Variants in SMIM7 observed in about 807,000 individuals in gnomAD.
SMIM7 encodes the protein UPF0608 protein C19orf42.
A neutral mutation model predicts 13.3 loss-of-function variants in SMIM7; 12 were observed. That is an observed-to-expected ratio of 0.90 (90% CI 0.58 to 1.46). SMIM7 has a LOEUF of 1.46. SMIM7 is among the 40% of genes most tolerant of loss of function. The pLI is 0.00. For missense variants in SMIM7, 114 were observed against 94.8 expected (o/e 1.20, Z -0.84); for synonymous variants, 36 against 35.8 (o/e 1.01, Z -0.02).
chr19:16,640,748 C>T (rs558543405), downstream of SMIM7: 2 of 152,304 alleles, frequency 1.3e-5, no homozygotes, highest in East Asian at 3.9e-4. Flanking sequence ...GCCTGGCCAA[C>T]ATGGAGAAAC....
intron 3 of SMIM7, among the ~76,000 whole-genome samples, chr19:16,654,678 G>A (rs1374396087): frequency 6.6e-6 from 1 of 151,516 alleles, no homozygotes; most frequent in Admixed American, 6.6e-5. Context: ...CTCCATACCC[G>A]GCTGGTTTTT....
chr19:16,659,282 CAAAAAA>C (rs752864646), intron 3 of SMIM7, 107 bp downstream of exon 3: 1,336 of 547,590 alleles, frequency 2.4e-3, no homozygotes, highest in Non-Finnish European at 2.7e-3. Flanking sequence ...GACCTTGTGT[CAAAAAA>C]AAAAAAAAAA....
Position 16,638,301 on chromosome 19 carries a change from C to CTT in SMIM7, c.*138-6579_*138-6578dup, listed in dbSNP as rs375558591. On this transcript the variant is annotated intron_variant and NMD_transcript_variant, in intron 4 of 4. Coordinates refer to the SMIM7 transcript ENST00000465250. ...GGCAATTAAACCTCTTTTCTTTTTT[C>CTT]TTTTTTTTTTTTTTTTTTTGAGACA... 3.6e-3 allele frequency among the ~76,000 whole-genome samples: 437 copies of CTT among 122,752 alleles called. 4 individuals carry two copies. The highest frequency in any genetic ancestry group is 4.5e-3 in the Non-Finnish European group (268 of 58,904). The allele number at this position is 122,752 out of a possible 152,430, so 80.5% of individuals were successfully genotyped here. A position where few individuals can be genotyped will look rare whatever the true frequency, so the allele number is the denominator to read the frequency against.
rs145266702 is a variant in SMIM7 at position 16,650,448 on chromosome 19, G to A, written c.213-3187C>T. On this transcript the variant is annotated intron_variant, in intron 4 of 4. Transcript: ENST00000487416. ...AGGGAGATTGGGCACGGTGGCTCAC[G>A]CCTATAATCCCAGCACTTTGGGAGG... Among the ~76,000 whole-genome samples, 1,012 of 152,298 alleles carry A rather than the reference G, an allele frequency of 6.6e-3. 14 individuals are homozygous for A. The highest frequency in any genetic ancestry group is 0.023 in the African/African-American group (970 of 41,558).
At chr19:16,635,344 CAG>C (rs908188873) in intron 4 of SMIM7, 1 of 139,446 alleles carries the variant, frequency 7.2e-6, no homozygotes, top group East Asian at 2.1e-4. Context: ...GCCTGGGTGA[CAG>C]AGTGAGACAC....
chr19:16,659,912 C>T (rs2086652716), intron 2 of SMIM7, 47 bp downstream of exon 2: 3 of 1,578,828 alleles, frequency 1.9e-6, no homozygotes, highest in Non-Finnish European at 2.6e-6. Context: ...GAGGGCGGGG[C>T]TACGGGTTCC....
rs1397623060 is a variant in SMIM7 at position 16,655,745 on chromosome 19, G to A, written c.122-1620C>T. Among the ~76,000 whole-genome samples, 3 of 147,352 alleles carry A rather than the reference G, an allele frequency of 2.0e-5. No individual in the cohort carries two copies. In the South Asian group the frequency reaches 6.4e-4, roughly 32 times the overall value. On this transcript the variant is annotated intron_variant, in intron 3 of 4. Coordinates refer to ENST00000487416, the MANE Select transcript of SMIM7 (RefSeq NM_024104.4). Reference sequence around the variant, plus strand: ...TAGGTGATCTACAAGGGTGCTACCCGAAGTATCTGCAGACTGGGGCTGCAT... The same window carrying A: ...TAGGTGATCTACAAGGGTGCTACCCAAAGTATCTGCAGACTGGGGCTGCAT...
In SMIM7 at chr19:16,633,465, GAA is replaced by G. The variant is rs869067591; in HGVS notation, c.*138-1743_*138-1742del. On this transcript the variant is annotated intron_variant and NMD_transcript_variant, in intron 4 of 4. Transcript: ENST00000465250. ...AGTGAGAATCTGTCTCAAAAAAAAA[GAA>G]AAAAAAAAAAAAAAAAGGAAGAAAT... Among the ~76,000 whole-genome samples, 601 of 87,698 alleles carry G rather than the reference GAA, an allele frequency of 6.9e-3. 2 individuals are homozygous for G. The highest frequency in any genetic ancestry group is 0.022 in the African/African-American group (564 of 26,020). 57.5% of individuals were successfully genotyped at this position (87,698 alleles called of 152,430 possible). A position where few individuals can be genotyped will look rare whatever the true frequency, so the allele number is the denominator to read the frequency against.
rs952426789 is a variant in SMIM7 at position 16,646,638 on chromosome 19, C to T, written c.*608G>A. ...AAAGTTTCCCTTAATATCCCCACAA[C>T]TGCTCCACATGTCTTCTGTGGAAAC... On this transcript the variant is annotated 3_prime_UTR_variant, in exon 5 of 5. Transcript: ENST00000487416. 6.4e-6 allele frequency: 1 copy of T among 156,268 alleles called. No individual in the cohort carries two copies. Among genetic ancestry groups the T allele is most frequent in the Non-Finnish European group, 1.4e-5 (1 of 69,262 alleles). 9.7% of individuals were successfully genotyped at this position (156,268 alleles called of 1,614,324 possible). A position where few individuals can be genotyped will look rare whatever the true frequency, so the allele number is the denominator to read the frequency against.
chr19:16,643,703 A>T (rs907294389), downstream of SMIM7, among the ~76,000 whole-genome samples: 1 of 152,026 alleles, frequency 6.6e-6, no homozygotes, highest in Non-Finnish European at 1.5e-5. Context: ...GGCCTAAAAA[A>T]TTTTTTCAAG....
intron 4 of SMIM7, among the ~76,000 whole-genome samples, chr19:16,649,047 T>C (rs1407914500): frequency 1.3e-5 from 2 of 151,938 alleles, no homozygotes; most frequent in Non-Finnish European, 2.9e-5. Context: ...CTTTCATACC[T>C]ACTAGGATGA....
rs1702290443 is a variant in SMIM7, at chr19:16,646,455, T to G, written c.*791A>C. ...TTCCTAGATGAAGGCCCCTGGTTTT[T>G]CAACCTCAAAATCACCTACTCAAAA... On this transcript the variant is annotated 3_prime_UTR_variant, in exon 5 of 5. Transcript: ENST00000487416. 6.6e-6 allele frequency: 1 copy of G among 152,530 alleles called. No homozygotes were observed. The highest frequency in any genetic ancestry group is 2.1e-4 in the South Asian group (1 of 4,834). 9.4% of individuals were successfully genotyped at this position (152,530 alleles called of 1,614,324 possible). A position where few individuals can be genotyped will look rare whatever the true frequency, so the allele number is the denominator to read the frequency against.
rs2086457645 is a variant in SMIM7, at chr19:16,647,066, A to G, written c.*180T>C. 1.4e-6 allele frequency: 1 copy of G among 710,276 alleles called. No individual in the cohort carries two copies. Among genetic ancestry groups the G allele is most frequent in the South Asian group, 1.8e-5 (1 of 54,824 alleles). The allele number at this position is 710,276 out of a possible 1,614,324, so 44.0% of individuals were successfully genotyped here. Reference sequence around the variant, plus strand: ...GACCAAAGTGAAACTATCTTTGAAAACAGGGACGTGGCTGGGAAACCATGC... The same window carrying G: ...GACCAAAGTGAAACTATCTTTGAAAGCAGGGACGTGGCTGGGAAACCATGC... On this transcript the variant is annotated 3_prime_UTR_variant, in exon 5 of 5. Coordinates refer to ENST00000487416, the MANE Select transcript of SMIM7 (RefSeq NM_024104.4).
At chr19:16,659,864 G>C (rs2086651047) in intron 2 of SMIM7, 95 bp downstream of exon 2, 3 of 1,498,146 alleles carry the variant, frequency 2.0e-6, no homozygotes, top group Non-Finnish European at 2.7e-6. Context: ...CTGCGGCTTG[G>C]GGGCGGGGCC....
At chr19:16,639,715 C>G (rs1481063947) in intron 4 of SMIM7, among the ~76,000 whole-genome samples, 1 of 152,102 alleles carries the variant, frequency 6.6e-6, no homozygotes, top group East Asian at 1.9e-4. Flanking sequence ...GGGTGGTTCC[C>G]CCATGCTATT....
Position 16,659,977 on chromosome 19 carries a change from G to C in SMIM7, c.50C>G (p.Ala17Gly). 6.2e-7 allele frequency: 1 copy of C among 1,613,382 alleles called. No homozygotes were observed. Among genetic ancestry groups the C allele is most frequent in the Non-Finnish European group, 8.5e-7 (1 of 1,179,768 alleles). Residue 17 changes from alanine to glycine, a missense_variant, in exon 2 of 5, where the codon GCG becomes GGG. By Grantham distance (60) the Ala-to-Gly change is moderately conservative (BLOSUM62 0). Coordinates refer to ENST00000487416, the MANE Select transcript of SMIM7 (RefSeq NM_024104.4). The stretch of plus-strand genomic sequence containing the variant: ...TACTCACAGCTTAAAGTTCAGCACC[G>C]CCCCGGCATTCATCAGCAACGTCCT... ...LFGTLLMNAGAVLNFKLKKKD... is the reference protein window; with the variant it reads ...LFGTLLMNAGGVLNFKLKKKD...
intron 4 of SMIM7, chr19:16,652,932 G>A (rs2086547428): frequency 1.3e-6 from 2 of 1,550,526 alleles, no homozygotes; most frequent in Non-Finnish European, 1.7e-6. Context: ...AGTGCTAGAT[G>A]GAAAGGCAAT....
At chr19:16,648,066 C>T (rs1046094826) in intron 4 of SMIM7, among the ~76,000 whole-genome samples, 1 of 152,104 alleles carries the variant, frequency 6.6e-6, no homozygotes, top group Non-Finnish European at 1.5e-5. Flanking sequence ...TTGGGTTACA[C>T]AATGATTTCT....
At chr19:16,636,781 A>C (rs1407262090) in intron 4 of SMIM7, among the ~76,000 whole-genome samples, 1 of 151,118 alleles carries the variant, frequency 6.6e-6, no homozygotes, top group Admixed American at 6.6e-5. Flanking sequence ...GTGAGACCCC[A>C]TCTCTACAAA....
Sources: allele counts gnomAD v4.1 joint callset (sites outside exome capture counted in the v4.1 genomes callset), GRCh38; gene constraint gnomAD v4.1.1; transcripts MANE v1.5; gene names NCBI Gene and HGNC (gene_info 2026-07-23, HGNC 2026-07-21).